The following DOC2A variants were observed in gnomAD, a reference collection of about 807,000 sequenced individuals.
DOC2A encodes double C2 domain alpha.
In DOC2A, 28 loss-of-function variants were observed where a neutral mutation model predicts 40.6. That is an observed-to-expected ratio of 0.69 (90% confidence interval 0.51 to 0.95). The LOEUF (loss-of-function observed/expected upper bound fraction) is 0.95, where lower values mean the gene tolerates loss of function less well. Ranked by LOEUF, DOC2A falls within the 40% of genes least tolerant of loss-of-function variation. The pLI, the probability that DOC2A is intolerant of heterozygous loss-of-function variation, is 0.00. For missense variants in DOC2A, 474 were observed against 552.5 expected (o/e 0.86, Z 1.42); for synonymous variants, 241 against 236.9 (o/e 1.02, Z -0.16).
rs2070737231 is a variant in DOC2A at position 30,010,094 on chromosome 16, T to G, written c.129A>C (p.Glu43Asp). Residue 43 changes from glutamate to aspartate, a missense_variant, in exon 2 of 11, where the codon GAA becomes GAC. Glu to Asp is a conservative substitution (Grantham distance 45, BLOSUM62 2). Coordinates refer to ENST00000350119, the MANE Select transcript of DOC2A (RefSeq NM_003586.3). This position sits in a 1 kb window ranked among gnomAD's most constrained non-coding sequence, Gnocchi z 4.2. ...SDYFPRGPGPEGGGGGGGEAP... is the reference protein window; with the variant it reads ...SDYFPRGPGPDGGGGGGGEAP... ...CCTCCCCGCCGCCCCCGCCGCCCCC[T>G]TCAGGTCCTGGTCCCCGGGGGAAGT... is the stretch of plus-strand genomic sequence containing the variant. 1 of 1,612,134 alleles carries G rather than the reference T, an allele frequency of 6.2e-7. No homozygotes were observed.
chr16:30,020,235 G>A (rs2070895217), intron 1 of DOC2A, among the ~76,000 whole-genome samples: 1 of 151,678 alleles, frequency 6.6e-6, no homozygotes, highest in Non-Finnish European at 1.5e-5. Flanking sequence ...GTAGAGAGGA[G>A]ATTTCATCAT....
chr16:30,020,915 G>A (rs1329188384), intron 1 of DOC2A, among the ~76,000 whole-genome samples: 1 of 151,998 alleles, frequency 6.6e-6, no homozygotes, highest in Admixed American at 6.6e-5. Flanking sequence ...CCAGCTACTT[G>A]GGAGGCTGAG....
At chr16:30,022,161 C>A (rs1170269370), upstream of DOC2A, among the ~76,000 whole-genome samples, 1 of 137,804 alleles carries the variant, frequency 7.3e-6, no homozygotes, top group Non-Finnish European at 1.5e-5. Context: ...GCAGGAGAAT[C>A]GCTTGAACCC....
At position 30,009,921 on chromosome 16, in the gene DOC2A, C is replaced by T. The variant is rs1330213846; in HGVS notation, c.262+40G>A. 2 of 1,609,910 alleles carry T rather than the reference C, an allele frequency of 1.2e-6. No homozygotes were observed. The highest frequency in any genetic ancestry group is 1.7e-6 in the Non-Finnish European group (2 of 1,179,042). On this transcript the variant is annotated intron_variant, in intron 2 of 10. Transcript: ENST00000350119. The surrounding 1 kb of genome is among the most constrained non-coding windows in gnomAD (Gnocchi z 4.1). ...CCCCCCACCACGGCAAGCCTGGAGACCCCCACCAGCACATGGGGCCTCCAA... is the reference window on the plus strand; with the variant it reads ...CCCCCCACCACGGCAAGCCTGGAGATCCCCACCAGCACATGGGGCCTCCAA...
At chr16:30,018,908 GA>G (rs1203173324) in intron 1 of DOC2A, 1 of 152,324 alleles carries the variant, frequency 6.6e-6, no homozygotes, top group Non-Finnish European at 1.5e-5. Flanking sequence ...CACCTGCTGG[GA>G]GGCAGACGGA....
chr16:30,006,332 C>G lies in DOC2A; in HGVS notation c.1058-1G>C. On this transcript the variant is annotated splice_acceptor_variant, in intron 10 of 10. Transcript: ENST00000350119. LOFTEE classifies it high-confidence loss of function. This position sits in a 1 kb window ranked among gnomAD's most constrained non-coding sequence, Gnocchi z 6.2. ...GCACCTGGCCCCAGGGACACGCCAC[C>G]TGGGGAGCAGGTGGGCAGGGTCAGG... 6.2e-7 allele frequency: 1 copy of G among 1,612,184 alleles called. No homozygotes were observed. The highest frequency in any genetic ancestry group is 8.5e-7 in the Non-Finnish European group (1 of 1,179,698).
At chr16:30,016,039 ATATATATATATATATATTTTTT>A (rs761330052), upstream of DOC2A, among the ~76,000 whole-genome samples, 15,281 of 52,864 alleles carry the variant, frequency 0.29, 1,130 homozygotes, top group East Asian at 0.48. Flanking sequence ...ATATATATAT[ATATATATATATATATATTTTTT>A]TTTTTTTTTT....
upstream of DOC2A, among the ~76,000 whole-genome samples, chr16:30,013,282 T>C (rs919006995): frequency 1.4e-5 from 2 of 147,408 alleles, no homozygotes; most frequent in Non-Finnish European, 3.0e-5. Context: ...TTTTTTTTTT[T>C]TGAGATGGAG....
chr16:30,018,140 CATG>C (rs1234156732), intron 1 of DOC2A, among the ~76,000 whole-genome samples: 1 of 138,952 alleles, frequency 7.2e-6, no homozygotes, highest in African/African-American at 2.7e-5. Flanking sequence ...CTTAGCTGGG[CATG>C]ATGACTTGAT....
chr16:30,008,830 A>C, intron 5 of DOC2A, 166 bp downstream of exon 5: 1 of 622,662 alleles, frequency 1.6e-6, no homozygotes, highest in African/African-American at 1.8e-5. Context: ...AGGGGCAGGA[A>C]TGGCAGGGAA....
Position 30,010,938 on chromosome 16 carries a change from C to T in DOC2A, c.-49G>A. 1 of 1,011,384 alleles carries T rather than the reference C, an allele frequency of 9.9e-7. No homozygotes were observed. The highest frequency in any genetic ancestry group is 1.2e-6 in the Non-Finnish European group (1 of 845,260). The allele number at this position is 1,011,384 out of a possible 1,614,324, so 62.7% of individuals were successfully genotyped here. A position where few individuals can be genotyped will look rare whatever the true frequency, so the allele number is the denominator to read the frequency against. ...AACAGGTGCCCAGGCACTGGGGGGA[C>T]GGCGGGCGCAGGCTGGGCGGCGGCG... is the stretch of plus-strand genomic sequence containing the variant. On this transcript the variant is annotated 5_prime_UTR_variant, in exon 1 of 11. Coordinates refer to ENST00000350119, the MANE Select transcript of DOC2A (RefSeq NM_003586.3). The surrounding 1 kb of genome is among the most constrained non-coding windows in gnomAD (Gnocchi z 4.2).
chr16:30,011,086 CGGGGAGGGGCGCTGGGGCT>C, upstream of DOC2A: 1 of 183,328 alleles, frequency 5.5e-6, no homozygotes, highest in Non-Finnish European at 7.5e-6. Flanking sequence ...CGGCGGGGGA[CGGGGAGGGGCGCTGGGGCT>C]GGGGAGGGGG....
rs1260032409 is a variant in DOC2A at position 30,006,515 on chromosome 16, G to A, written c.961-6C>T. On this transcript the variant is annotated splice_region_variant and splice_polypyrimidine_tract_variant and intron_variant, in intron 9 of 10. Transcript: ENST00000350119. The surrounding 1 kb of genome is among the most constrained non-coding windows in gnomAD (Gnocchi z 6.2). ...TCTATCTCGTAGAAAAACTCCTAGG[G>A]ACAAGGCCGGCCACCCGTTCGTGAG... The A allele has an allele frequency of 6.2e-7, 1 of 1,613,678 alleles. No homozygotes were observed. Among genetic ancestry groups the A allele is most frequent in the East Asian group, 2.2e-5 (1 of 44,838 alleles).
At chr16:30,012,992 A>AAAAC (rs555014803), upstream of DOC2A, among the ~76,000 whole-genome samples, 2,920 of 151,698 alleles carry the variant, frequency 0.019, 24 homozygotes, top group Non-Finnish European at 0.027. Flanking sequence ...ACTCAGTCTC[A>AAAAC]AAACAAACAA....
chr16:30,014,625 A>G (rs2070836546), upstream of DOC2A, among the ~76,000 whole-genome samples: 1 of 142,302 alleles, frequency 7.0e-6, no homozygotes, highest in Admixed American at 7.4e-5. Flanking sequence ...ACAGAACGAG[A>G]CTCCATCTCA....
chr16:30,007,292 CGGCG>C lies in DOC2A; in HGVS notation c.531_534del (p.Ile177MetfsTer8). On this transcript the variant is annotated frameshift_variant, in exon 6 of 11. Transcript: ENST00000350119. LOFTEE classifies it high-confidence loss of function. ...TGACTCAGCTTGTCCTCATCACAGA[CGGCG>C]ATCCTGGTCGGGAACTGCAGTGTCA... The C allele has an allele frequency of 6.2e-7, 1 of 1,613,862 alleles. No individual in the cohort carries two copies. Among genetic ancestry groups the C allele is most frequent in the Non-Finnish European group, 8.5e-7 (1 of 1,180,032 alleles).
chr16:30,015,026 C>T (rs1012343951), upstream of DOC2A: 6 of 151,896 alleles, frequency 4.0e-5, no homozygotes, highest in East Asian at 1.9e-4. Context: ...AGAGCTTAGC[C>T]GTGTTTGCTT....
At chr16:30,022,031 C>A (rs568103840), upstream of DOC2A, among the ~76,000 whole-genome samples, 4 of 151,736 alleles carry the variant, frequency 2.6e-5, no homozygotes, top group East Asian at 7.8e-4. Context: ...GGCGGATCAT[C>A]CGAGTTCAGG....
upstream of DOC2A, among the ~76,000 whole-genome samples, chr16:30,016,040 TATATATATATATA>T (rs2070851577): frequency 3.8e-5 from 1 of 26,564 alleles, no homozygotes; most frequent in African/African-American, 1.4e-4. Context: ...TATATATATA[TATATATATATATA>T]TATTTTTTTT....
Sources: gnomAD v4.1 joint callset for allele counts (sites outside exome capture counted in the v4.1 genomes callset) on GRCh38, gnomAD v4.1.1 for gene constraint, Gnocchi (gnomAD v3.1) non-coding constraint, MANE v1.5 for transcripts, NCBI Gene and HGNC (gene_info 2026-07-23, HGNC 2026-07-21) for gene names.